Variants in NRXN1 observed in about 807,000 individuals in gnomAD.
NRXN1 encodes neurexin-1.
Under a neutral mutation model 150.9 loss-of-function variants are expected in NRXN1, and 39 were observed. The ratio of observed to expected loss-of-function variants is 0.26; its 90% CI spans 0.20 to 0.34. The LOEUF is 0.34. Among genes scored for constraint, NRXN1 ranks in the 10% least tolerant of loss-of-function variants. The pLI is 1.00. For synonymous variants in NRXN1, 924 were observed against 757.0 expected (o/e 1.22, Z -3.62); for missense variants, 1,815 against 1,949.9 (o/e 0.93, Z 1.30).
intron 10 of NRXN1, among the ~76,000 whole-genome samples, chr2:50,532,197 A>G (rs2093134017): frequency 2.0e-5 from 3 of 152,178 alleles, no homozygotes; most frequent in East Asian, 3.9e-4. Flanking sequence ...AAATTAGTCA[A>G]CCTTGCCTTG....
chr2:50,627,753 T>C (rs1429987897), intron 5 of NRXN1, among the ~76,000 whole-genome samples: 2 of 151,702 alleles, frequency 1.3e-5, no homozygotes, highest in Non-Finnish European at 3.0e-5. Context: ...CCCATTAATT[T>C]ACATTATTAA....
rs995679812 is a variant in NRXN1, at chr2:50,475,334, C to T, written c.3071-2863G>A. 3.9e-5 allele frequency among the ~76,000 whole-genome samples: 6 copies of T among 151,972 alleles called. No homozygotes were observed. In the East Asian group the frequency reaches 5.8e-4, roughly 15 times the overall value. ...AGTGCCCGGTACTGGGCTCTAAGCA[C>T]GGTTGGCCCTCAATAAATATTGTCA... is the stretch of plus-strand genomic sequence containing the variant. On this transcript the variant is annotated intron_variant, in intron 15 of 22. Coordinates refer to ENST00000401669, the MANE Select transcript of NRXN1 (RefSeq NM_001330078.2).
At chr2:50,689,812 G>A (rs557881212) in intron 5 of NRXN1, among the ~76,000 whole-genome samples, 6 of 151,404 alleles carry the variant, frequency 4.0e-5, no homozygotes, top group African/African-American at 1.5e-4. Flanking sequence ...AACTTTATAA[G>A]CCCATTTGAG....
intron 18 of NRXN1, among the ~76,000 whole-genome samples, chr2:50,235,379 A>T (rs2065320253): frequency 6.6e-6 from 1 of 152,036 alleles, no homozygotes; most frequent in Non-Finnish European, 1.5e-5. Flanking sequence ...TCCCCTCTTG[A>T]GAACTACATT....
chr2:50,293,287 G>A (rs1021157050), intron 17 of NRXN1, among the ~76,000 whole-genome samples: 1 of 151,942 alleles, frequency 6.6e-6, no homozygotes, highest in African/African-American at 2.4e-5. Context: ...TGATCAACAT[G>A]CCCATATAGT....
intron 8 of NRXN1, among the ~76,000 whole-genome samples, chr2:50,555,587 G>A (rs905144165): frequency 1.3e-5 from 2 of 152,130 alleles, no homozygotes; most frequent in African/African-American, 4.8e-5. Context: ...CCACAGCGCA[G>A]CACCAAGATC....
intron 2 of NRXN1, among the ~76,000 whole-genome samples, chr2:50,990,972 C>T (rs940153157): frequency 6.6e-6 from 1 of 152,026 alleles, no homozygotes; most frequent in Admixed American, 6.6e-5. Flanking sequence ...CTGGATCTGA[C>T]ATTATTCATT....
At chr2:50,611,629 T>C (rs1168855995) in intron 8 of NRXN1, among the ~76,000 whole-genome samples, 1 of 152,208 alleles carries the variant, frequency 6.6e-6, no homozygotes, top group Admixed American at 6.5e-5. Context: ...TAGCAATGTA[T>C]AGAGCCAATA....
chr2:50,158,933 A>C (rs1163942616), intron 18 of NRXN1, among the ~76,000 whole-genome samples: 1 of 152,076 alleles, frequency 6.6e-6, no homozygotes, highest in Non-Finnish European at 1.5e-5. Context: ...AAAACGCGTA[A>C]GATAGGGACA....
At chr2:50,128,262 AAAAAGAG>A (rs1227143664) in intron 18 of NRXN1, among the ~76,000 whole-genome samples, 1 of 152,182 alleles carries the variant, frequency 6.6e-6, no homozygotes, top group African/African-American at 2.4e-5. Context: ...GGAAAAAAGA[AAAAAGAG>A]ATAGAGAAAG....
At chr2:50,031,833 C>G (rs778324467) in intron 21 of NRXN1, among the ~76,000 whole-genome samples, 27 of 152,028 alleles carry the variant, frequency 1.8e-4, no homozygotes, top group Admixed American at 2.6e-4. Context: ...ATCTAGTTCT[C>G]AGCCCTTAAT....
At chr2:50,657,098 A>C (rs1686594564) in intron 5 of NRXN1, among the ~76,000 whole-genome samples, 1 of 152,068 alleles carries the variant, frequency 6.6e-6, no homozygotes, top group African/African-American at 2.4e-5. Context: ...TAAAAGCCAA[A>C]ATCCTGAGGA....
intron 21 of NRXN1, among the ~76,000 whole-genome samples, chr2:50,010,094 G>A (rs1685412750): frequency 6.6e-6 from 1 of 151,542 alleles, no homozygotes; most frequent in Non-Finnish European, 1.5e-5. Flanking sequence ...AACAAACCAG[G>A]CTTTAATTTA....
chr2:50,731,292 G>C (rs982084360), intron 5 of NRXN1, among the ~76,000 whole-genome samples: 2 of 152,168 alleles, frequency 1.3e-5, no homozygotes, highest in African/African-American at 4.8e-5. Flanking sequence ...AAAATAGCTA[G>C]AGTTACTGAT....
At position 51,028,253 on chromosome 2, in the gene NRXN1, C is replaced by T; in HGVS notation, c.21G>A (p.Gln7=). The T allele has an allele frequency of 1.4e-6, 2 of 1,459,438 alleles. No individual in the cohort carries two copies. Among genetic ancestry groups the T allele is most frequent in the Non-Finnish European group, 1.8e-6 (2 of 1,112,570 alleles). The allele number at this position is 1,459,438 out of a possible 1,614,324, so 90.4% of individuals were successfully genotyped here. MGTALL[Q]RGGCFLLCLS... is the part of the protein sequence containing the mutation. ...GGCACAGAAGAAAACAGCCCCCGCG[C>T]TGGAGCAGCGCCGTCCCCATGCTCG... is the stretch of plus-strand genomic sequence containing the variant. Residue 7 remains glutamine, a synonymous_variant, in exon 2 of 23, where the codon CAG becomes CAA. Transcript: ENST00000401669.
chr2:50,547,295 T>C (rs1420643279), intron 9 of NRXN1, among the ~76,000 whole-genome samples: 1 of 125,042 alleles, frequency 8.0e-6, no homozygotes, highest in Non-Finnish European at 1.6e-5. Flanking sequence ...AATGATGGTT[T>C]ACAAAATAAA....
chr2:50,021,104 T>C (rs6545146), intron 21 of NRXN1, among the ~76,000 whole-genome samples: 152,330 of 152,336 alleles, frequency 1, 76,162 homozygotes, highest in Middle Eastern at 1. Context: ...GCAGCTTCAA[T>C]AAGCTTTTGC....
chr2:50,828,786 A>G (rs2105873334), intron 5 of NRXN1, among the ~76,000 whole-genome samples: 1 of 138,982 alleles, frequency 7.2e-6, no homozygotes, highest in Non-Finnish European at 1.6e-5. Context: ...CCCAGACGAT[A>G]GGCGGCCAGG....
At chr2:50,209,390 G>A (rs139288032) in intron 18 of NRXN1, among the ~76,000 whole-genome samples, 2 of 152,236 alleles carry the variant, frequency 1.3e-5, no homozygotes, top group East Asian at 3.9e-4. Context: ...ACTATGCTAG[G>A]CCCTTCACAG....
Sources: allele counts gnomAD v4.1 joint callset (sites outside exome capture counted in the v4.1 genomes callset), GRCh38; gene constraint gnomAD v4.1.1; transcripts MANE v1.5; gene names NCBI Gene and HGNC (gene_info 2026-07-23, HGNC 2026-07-21).